The following TET1 variants were observed in gnomAD, a reference collection of about 807,000 sequenced individuals.
The protein encoded by TET1 is methylcytosine dioxygenase TET1.
A neutral mutation model predicts 148.7 loss-of-function variants in TET1; 13 were observed. The ratio of observed to expected loss-of-function variants is 0.09; its 90% confidence interval spans 0.06 to 0.14. The LOEUF is 0.14. TET1 is among the 10% of genes least tolerant of loss of function. The pLI, the probability that TET1 is intolerant of heterozygous loss-of-function variation, is 1.00. For synonymous variants in TET1, 907 were observed against 937.2 expected, an observed-to-expected ratio of 0.97 and a Z score of 0.59; for missense variants, 2,182 against 2,553.8, an observed-to-expected ratio of 0.85 and a Z score of 3.14.
chr10:68,621,741 A>T (rs1375606425), intron 3 of TET1, among the ~76,000 whole-genome samples: 1 of 152,178 alleles, frequency 6.6e-6, no homozygotes, highest in Non-Finnish European at 1.5e-5. Flanking sequence ...AGAAATTTCA[A>T]ATTATAATGA....
Position 68,693,038 on chromosome 10 carries a change from A to G in TET1, c.*1224A>G, listed in dbSNP as rs2055613675. ...AGTCAAAAACAAGAGGAATGGTACT[A>G]CAAACATGGCTTTGTCCATTAAGAG... On this transcript the variant is annotated 3_prime_UTR_variant, in exon 12 of 12. Coordinates refer to ENST00000373644, the MANE Select transcript of TET1 (RefSeq NM_030625.3). 1 of 230,730 alleles carries G rather than the reference A, an allele frequency of 4.3e-6. No homozygotes were observed. Among genetic ancestry groups the G allele is most frequent in the South Asian group, 1.8e-4 (1 of 5,410 alleles). The allele number at this position is 230,730 out of a possible 1,614,324, so 14.3% of individuals were successfully genotyped here. A position where few individuals can be genotyped will look rare whatever the true frequency, so the allele number is the denominator to read the frequency against.
chr10:68,645,692 A>G lies in TET1; in HGVS notation c.2963A>G (p.Gln988Arg), dbSNP rs754559479. Reference protein sequence around the residue: ...SNSHINSATNQASTKSHEYSK... With the variant: ...SNSHINSATNRASTKSHEYSK... ...TCACATATCAACTCAGCTACTAACC[A>G]AGCATCCACAAAGTCACATGAATAT... The change falls in exon 4 of 12, where the codon CAA (glutamine) becomes CGA (arginine). Residue 988 changes from glutamine to arginine, a missense_variant. By Grantham distance (43) the Gln-to-Arg change is conservative (BLOSUM62 1). Transcript: ENST00000373644. 11 of 1,614,200 alleles carry G rather than the reference A, an allele frequency of 6.8e-6. No homozygotes were observed. Among genetic ancestry groups the G allele is most frequent in the Non-Finnish European group, 7.6e-6 (9 of 1,180,032 alleles).
In TET1 at chr10:68,694,094, A is replaced by G. The variant is rs2055625928; in HGVS notation, c.*2280A>G. 1 of 232,312 alleles carries G rather than the reference A, an allele frequency of 4.3e-6. No homozygotes were observed. Among genetic ancestry groups the G allele is most frequent in the South Asian group, 1.8e-4 (1 of 5,522 alleles). The allele number at this position is 232,312 out of a possible 1,614,324, so 14.4% of individuals were successfully genotyped here. A position where few individuals can be genotyped will look rare whatever the true frequency, so the allele number is the denominator to read the frequency against. ...AGTAATTCAAATTGATCTCTCTCTC[A>G]ATAGGTTTCTTAACAATCTAAACTT... is the stretch of plus-strand genomic sequence containing the variant. On this transcript the variant is annotated 3_prime_UTR_variant, in exon 12 of 12. Coordinates refer to ENST00000373644, the MANE Select transcript of TET1 (RefSeq NM_030625.3).
chr10:68,570,739 C>T (rs2053660300), intron 1 of TET1, among the ~76,000 whole-genome samples: 1 of 151,576 alleles, frequency 6.6e-6, no homozygotes, highest in East Asian at 2.0e-4. Context: ...ACGCCATTCT[C>T]CTGCCTCAGC....
chr10:68,584,102 C>T (rs374623157), intron 2 of TET1, among the ~76,000 whole-genome samples: 4 of 151,118 alleles, frequency 2.6e-5, no homozygotes, highest in Middle Eastern at 3.4e-3. Context: ...TGCGGTGGCG[C>T]GATCTCGGCT....
At chr10:68,675,308 T>G (rs1002592570) in intron 8 of TET1, among the ~76,000 whole-genome samples, 1 of 152,244 alleles carries the variant, frequency 6.6e-6, no homozygotes, top group Admixed American at 6.5e-5. Flanking sequence ...TCTAGTTTGA[T>G]GCACTAAGAA....
intron 1 of TET1, among the ~76,000 whole-genome samples, chr10:68,561,322 T>G (rs2053550761): frequency 6.6e-6 from 1 of 151,782 alleles, no homozygotes; most frequent in Admixed American, 6.6e-5. Context: ...CCCGAGAGTT[T>G]TGGGACGGCA....
At chr10:68,686,172 T>C (rs529520002) in intron 10 of TET1, among the ~76,000 whole-genome samples, 184 bp from the exon 11 acceptor site, 8 of 152,310 alleles carry the variant, frequency 5.3e-5, no homozygotes, top group African/African-American at 1.9e-4. Context: ...AACTGGGAAG[T>C]TACTATGATT....
intron 3 of TET1, among the ~76,000 whole-genome samples, chr10:68,609,318 C>T (rs554392688): frequency 7.9e-5 from 12 of 152,274 alleles, no homozygotes; most frequent in African/African-American, 2.2e-4. Context: ...TGTGCCACCA[C>T]GCCTGGCTAA....
At chr10:68,586,612 C>T (rs2053865262) in intron 2 of TET1, among the ~76,000 whole-genome samples, 1 of 150,664 alleles carries the variant, frequency 6.6e-6, no homozygotes, top group Admixed American at 6.6e-5. Context: ...GTATTACAGG[C>T]ATGAGGCACT....
chr10:68,611,911 A>G (rs2054221793), intron 3 of TET1, among the ~76,000 whole-genome samples: 1 of 149,848 alleles, frequency 6.7e-6, no homozygotes, highest in Non-Finnish European at 1.5e-5. Flanking sequence ...GGAAGGAAGG[A>G]AGAAAGGAAG....
rs569449387 is a variant in TET1, at chr10:68,659,175, G to A, written c.4461+6581G>A. On this transcript the variant is annotated intron_variant, in intron 6 of 11. Coordinates refer to ENST00000373644, the MANE Select transcript of TET1 (RefSeq NM_030625.3). Reference sequence around the variant, plus strand: ...TATACTTCCCCTCTTGAGCTTCTGGGGTAATGGCAGAAGTAGGTAGAAGAA... The same window carrying A: ...TATACTTCCCCTCTTGAGCTTCTGGAGTAATGGCAGAAGTAGGTAGAAGAA... 2.0e-5 allele frequency among the ~76,000 whole-genome samples: 3 copies of A among 152,274 alleles called. No homozygotes were observed. In the South Asian group the frequency reaches 6.2e-4, roughly 32 times the overall value.
rs1163601769 is a variant in TET1 at position 68,646,463 on chromosome 10, A to G, written c.3734A>G (p.Gln1245Arg). Reference protein sequence around the residue: ...VFPPLTQIKLQRYPESAEEKV... With the variant: ...VFPPLTQIKLRRYPESAEEKV... ...CCACCACTCACTCAGATAAAATTAC[A>G]GAGATATCCTGAATCAGCAGAGGAA... The change falls in exon 4 of 12, where the codon CAG becomes CGG. Residue 1245 changes from glutamine (Q) to arginine (R), a missense_variant. Around this residue, in one of 11 missense-constraint regions of TET1, gnomAD observed 582 missense variants for 599.5 expected, o/e 0.97. Transcript: ENST00000373644. 1 of 1,614,248 alleles carries G rather than the reference A, an allele frequency of 6.2e-7. No homozygotes were observed. The highest frequency in any genetic ancestry group is 1.7e-5 in the Admixed American group (1 of 60,020).
At chr10:68,682,503 C>A (rs1168153448) in intron 9 of TET1, among the ~76,000 whole-genome samples, 1 of 152,148 alleles carries the variant, frequency 6.6e-6, no homozygotes, top group Non-Finnish European at 1.5e-5. Flanking sequence ...ATATTGAAAA[C>A]TCTGTGTATA....
intron 2 of TET1, among the ~76,000 whole-genome samples, chr10:68,584,466 T>G (rs1478322563): frequency 6.6e-6 from 1 of 151,712 alleles, no homozygotes; most frequent in Non-Finnish European, 1.5e-5. Flanking sequence ...CCCAGCACTT[T>G]GGGAGTCCAG....
intron 1 of TET1, among the ~76,000 whole-genome samples, chr10:68,564,691 A>G (rs10998279): frequency 0.11 from 17,370 of 152,168 alleles, 1,311 homozygotes; most frequent in South Asian, 0.26. Flanking sequence ...CTATCTCTGC[A>G]GCACTTTCAC....
At chr10:68,571,821 G>C (rs2053673512) in intron 1 of TET1, among the ~76,000 whole-genome samples, 1 of 152,124 alleles carries the variant, frequency 6.6e-6, no homozygotes, top group Non-Finnish European at 1.5e-5. Context: ...CACTGCTCCT[G>C]GTCCTTACTT....
intron 2 of TET1, among the ~76,000 whole-genome samples, chr10:68,584,175 G>T (rs1364998721): frequency 2.0e-5 from 3 of 151,202 alleles, no homozygotes; most frequent in Non-Finnish European, 4.4e-5. Context: ...GAGTAGCTGG[G>T]ATTATAGGCA....
intron 6 of TET1, among the ~76,000 whole-genome samples, chr10:68,666,092 G>C (rs2055192066): frequency 6.6e-6 from 1 of 151,282 alleles, no homozygotes; most frequent in African/African-American, 2.4e-5. Context: ...TGGTTGGATG[G>C]TTTTATGTGG....
Sources: allele counts gnomAD v4.1 joint callset (sites outside exome capture counted in the v4.1 genomes callset), GRCh38; gene constraint gnomAD v4.1.1; regional missense constraint gnomAD v4.1.1; transcripts MANE v1.5; gene names NCBI Gene and HGNC (gene_info 2026-07-23, HGNC 2026-07-21).